CBY1: variants seen among roughly 807,000 people sequenced by gnomAD.
CBY1 encodes the protein protein chibby homolog 1.
In CBY1, 10 loss-of-function variants were observed where a neutral mutation model predicts 15.6. That is an observed-to-expected ratio of 0.64 (90% CI 0.40 to 1.09). The LOEUF is 1.09. Among genes scored for constraint, CBY1 ranks in the 50% least tolerant of loss-of-function variants. The pLI is 0.01. For missense variants in CBY1, 150 were observed against 160.5 expected (o/e 0.93, Z 0.35); for synonymous variants, 61 against 63.5 (o/e 0.96, Z 0.19).
intron 1 of CBY1, among the ~76,000 whole-genome samples, chr22:38,660,090 C>T (rs2092417846): frequency 6.6e-6 from 1 of 152,110 alleles, no homozygotes; most frequent in Admixed American, 6.6e-5. Context: ...ATAGCATCTT[C>T]TGATTCCACC....
chr22:38,663,384 G>A (rs1364221264), intron 1 of CBY1, among the ~76,000 whole-genome samples: 1 of 151,770 alleles, frequency 6.6e-6, no homozygotes, highest in Admixed American at 6.6e-5. Flanking sequence ...GAACCCGGGA[G>A]GCGGAGGTTG....
chr22:38,668,407 G>A lies in CBY1; in HGVS notation c.78+275G>A, dbSNP rs374594631. ...TTTTTTGAGATGGAGTCTCACTCCC[G>A]TCCCACAGGCTAGGGTGCAGTGGCG... is the stretch of plus-strand genomic sequence containing the variant. On this transcript the variant is annotated intron_variant, in intron 2 of 4. Transcript: ENST00000216029. The A allele has an allele frequency of 3.2e-4, 98 of 303,310 alleles. No individual in the cohort carries two copies. The East Asian group carries it at 3.3e-3, about 10-fold the overall frequency. 18.8% of individuals were successfully genotyped at this position (303,310 alleles called of 1,614,324 possible).
At chr22:38,663,647 G>A (rs1242980555) in intron 1 of CBY1, among the ~76,000 whole-genome samples, 8 of 143,784 alleles carry the variant, frequency 5.6e-5, no homozygotes, top group Non-Finnish European at 8.9e-5. Context: ...GGTGTGCTGA[G>A]ATGGCGCCAT....
At chr22:38,657,434 C>T (rs530731047) in intron 1 of CBY1, among the ~76,000 whole-genome samples, 1 of 152,348 alleles carries the variant, frequency 6.6e-6, no homozygotes, top group Admixed American at 6.5e-5. Context: ...AAGCCAGGTG[C>T]TCCCCCTTCA....
intron 1 of CBY1, among the ~76,000 whole-genome samples, chr22:38,664,197 C>T (rs915205594): frequency 1.3e-5 from 2 of 151,892 alleles, no homozygotes; most frequent in South Asian, 2.1e-4. Context: ...GAGGGCTGGG[C>T]GCGGTGGCTC....
At chr22:38,657,233 C>A in intron 1 of CBY1, 1 of 391,568 alleles carries the variant, frequency 2.6e-6, no homozygotes, top group Non-Finnish European at 3.5e-6. Flanking sequence ...ACTGGGAAGG[C>A]TCTACTTACT....
At chr22:38,673,019 C>G (rs941631806) in intron 4 of CBY1, 140 bp from the exon 5 acceptor site, 2 of 606,008 alleles carry the variant, frequency 3.3e-6, no homozygotes, top group African/African-American at 1.8e-5. Flanking sequence ...TACCCAGTTA[C>G]AGAGGGTTTC....
chr22:38,657,066 G>C (rs895281904), intron 1 of CBY1: 1 of 957,780 alleles, frequency 1.0e-6, no homozygotes, highest in Non-Finnish European at 1.2e-6. Flanking sequence ...GGCTACCTCT[G>C]AACTCCTTGG....
rs896847623 is a variant in CBY1 at position 38,665,001 on chromosome 22, G to A, written c.-38-3016G>A. ...TAGGACTACAAGGGTACACCACCAC[G>A]CCTGGCTGATTTTTCAATTTTTTGT... On this transcript the variant is annotated intron_variant, in intron 1 of 4. Transcript: ENST00000216029. 2.6e-5 allele frequency among the ~76,000 whole-genome samples: 4 copies of A among 152,024 alleles called. No homozygotes were observed. In the East Asian group the frequency reaches 5.8e-4, roughly 22 times the overall value.
chr22:38,667,006 C>A (rs35565791), intron 1 of CBY1, among the ~76,000 whole-genome samples: 44,217 of 144,088 alleles, frequency 0.31, 6,533 homozygotes, highest in East Asian at 0.37. Context: ...CCAGCCATTT[C>A]TTTCTTTATT....
chr22:38,660,549 T>A (rs1029941297), intron 1 of CBY1, among the ~76,000 whole-genome samples: 1 of 152,048 alleles, frequency 6.6e-6, no homozygotes, highest in Admixed American at 6.6e-5. Flanking sequence ...AGGATAAGTA[T>A]ATACATGTGT....
chr22:38,663,832 G>C (rs1197980600), intron 1 of CBY1, among the ~76,000 whole-genome samples: 1 of 151,772 alleles, frequency 6.6e-6, no homozygotes, highest in Non-Finnish European at 1.5e-5. Context: ...GACCAGCCTG[G>C]CCAACATGGC....
At chr22:38,672,372 G>A (rs1226942099) in intron 4 of CBY1, among the ~76,000 whole-genome samples, 2 of 151,798 alleles carry the variant, frequency 1.3e-5, no homozygotes, top group Admixed American at 1.3e-4. Flanking sequence ...CTGGGCTGGA[G>A]TACAGTGGCA....
intron 1 of CBY1, among the ~76,000 whole-genome samples, chr22:38,663,636 C>T (rs939268474): frequency 5.2e-5 from 7 of 134,650 alleles, no homozygotes; most frequent in East Asian, 4.6e-4. Context: ...GTGGAGGTTG[C>T]GGTGTGCTGA....
At position 38,673,353 on chromosome 22, in the gene CBY1, AC is replaced by A; in HGVS notation, c.*120del. 1 of 653,234 alleles carries A rather than the reference AC, an allele frequency of 1.5e-6. No homozygotes were observed. The allele number at this position is 653,234 out of a possible 1,614,324, so 40.5% of individuals were successfully genotyped here. On this transcript the variant is annotated 3_prime_UTR_variant, in exon 5 of 5. Transcript: ENST00000216029. ...TATAATGAGACCCACAGGCACTGGC[AC>A]CCTTGGGTTGGCAATAGAAGGTGAC... is the stretch of plus-strand genomic sequence containing the variant.
At chr22:38,672,011 C>G (rs1025086350) in intron 4 of CBY1, among the ~76,000 whole-genome samples, 8 of 149,962 alleles carry the variant, frequency 5.3e-5, no homozygotes. Context: ...TGCCTGTAAT[C>G]TTAGCATTTT....
At chr22:38,659,836 C>T (rs969776040) in intron 1 of CBY1, among the ~76,000 whole-genome samples, 115 of 132,350 alleles carry the variant, frequency 8.7e-4, no homozygotes, top group African/African-American at 3.0e-3. Flanking sequence ...CACTCCAGCC[C>T]GGGCGACAGA....
At position 38,666,970 on chromosome 22, in the gene CBY1, G is replaced by A. The variant is rs2092438150; in HGVS notation, c.-38-1047G>A. 1.3e-5 allele frequency among the ~76,000 whole-genome samples: 2 copies of A among 150,602 alleles called. 1 individual carries two copies. Among genetic ancestry groups the A allele is most frequent in the South Asian group, 4.2e-4 (2 of 4,740 alleles). On this transcript the variant is annotated intron_variant, in intron 1 of 4. Transcript: ENST00000216029. ...GCCCGCCTCGGCCTCCCAAAGTGCT[G>A]GGATTACAGATATGAGCCACCGTGC... is the stretch of plus-strand genomic sequence containing the variant.
chr22:38,665,312 A>G (rs1427077531), intron 1 of CBY1, among the ~76,000 whole-genome samples: 3 of 152,132 alleles, frequency 2.0e-5, no homozygotes, highest in Admixed American at 6.6e-5. Flanking sequence ...AAAAATGCAG[A>G]AAATTAGCCA....
Sources: gnomAD v4.1 joint callset for allele counts (sites outside exome capture counted in the v4.1 genomes callset) on GRCh38, gnomAD v4.1.1 for gene constraint, MANE v1.5 for transcripts, NCBI Gene and HGNC (gene_info 2026-07-23, HGNC 2026-07-21) for gene names.